Variants in SLC1A1 observed in about 807,000 individuals in gnomAD.
SLC1A1 encodes the protein excitatory amino acid transporter 3.
Under a neutral mutation model 53.3 loss-of-function variants are expected in SLC1A1, and 43 were observed. The observed-to-expected ratio is 0.81, with a 90% CI of 0.63 to 1.04. The LOEUF (loss-of-function observed/expected upper bound fraction) is 1.04, where lower values mean the gene tolerates loss of function less well. Among genes scored for constraint, SLC1A1 ranks in the 50% least tolerant of loss-of-function variants. The pLI, the probability that SLC1A1 is intolerant of heterozygous loss-of-function variation, is 0.00. For missense variants in SLC1A1, 748 were observed against 664.9 expected, an observed-to-expected ratio of 1.12 and a Z score of -1.37; for synonymous variants, 307 against 243.2, an observed-to-expected ratio of 1.26 and a Z score of -2.44.
At chr9:4,521,029 T>A (rs1347737295) in intron 1 of SLC1A1, among the ~76,000 whole-genome samples, 1 of 152,234 alleles carries the variant, frequency 6.6e-6, no homozygotes, top group Non-Finnish European at 1.5e-5. Flanking sequence ...ACTAATAATA[T>A]TCGACATCTT....
At chr9:4,573,250 T>C (rs1480415689) in intron 7 of SLC1A1, among the ~76,000 whole-genome samples, 1 of 152,198 alleles carries the variant, frequency 6.6e-6, no homozygotes, top group African/African-American at 2.4e-5. Flanking sequence ...TCAACATTAT[T>C]TAATCCAAAG....
At chr9:4,582,252 T>A (rs927523625) in intron 10 of SLC1A1, among the ~76,000 whole-genome samples, 1 of 152,220 alleles carries the variant, frequency 6.6e-6, no homozygotes, top group African/African-American at 2.4e-5. Context: ...CCAAGAGGGA[T>A]CTTTTTAAAT....
rs112476763 is a variant in SLC1A1 at position 4,503,889 on chromosome 9, T to C, written c.91+13119T>C. Among the ~76,000 whole-genome samples the C allele has an allele frequency of 6.2e-4, 92 of 148,334 alleles. 2 individuals are homozygous for C. The highest frequency in any genetic ancestry group is 2.3e-3 in the African/African-American group (89 of 37,904). On this transcript the variant is annotated intron_variant, in intron 1 of 11. Coordinates refer to ENST00000262352, the MANE Select transcript of SLC1A1 (RefSeq NM_004170.6). ...GTAAATCTTTGATGAACCAATCCCA[T>C]TGATCCCCTAGAAGCCCACTCAGTT...
intron 2 of SLC1A1, among the ~76,000 whole-genome samples, chr9:4,560,910 C>T (rs963362127): frequency 3.3e-5 from 5 of 152,046 alleles, no homozygotes; most frequent in Non-Finnish European, 7.4e-5. Flanking sequence ...GAAGGAGAAT[C>T]GCTTGAACCC....
At position 4,585,323 on chromosome 9, in the gene SLC1A1, G is replaced by C. The variant is rs755607684; in HGVS notation, c.1340G>C (p.Arg447Thr). The change falls in exon 12 of 12, where the codon AGG becomes ACG. Residue 447 changes from arginine to threonine, a missense_variant. Arg to Thr is a moderately conservative substitution (Grantham distance 71). Transcript: ENST00000262352. Reference sequence around the variant, plus strand: ...CCGTCTCTCCCCAGGGACCGGTTCAGGACCATGGTCAACGTCCTTGGTGAT... The same window carrying C: ...CCGTCTCTCCCCAGGGACCGGTTCACGACCATGGTCAACGTCCTTGGTGAT... Reference protein sequence around the residue: ...IAVDWLLDRFRTMVNVLGDAF... With the variant: ...IAVDWLLDRFTTMVNVLGDAF... The C allele has an allele frequency of 6.2e-7, 1 of 1,613,790 alleles. No homozygotes were observed. The highest frequency in any genetic ancestry group is 8.5e-7 in the Non-Finnish European group (1 of 1,179,912).
chr9:4,572,565 G>C (rs757176282), intron 7 of SLC1A1, among the ~76,000 whole-genome samples, 177 bp downstream of exon 7: 13 of 152,180 alleles, frequency 8.5e-5, no homozygotes, highest in Admixed American at 1.3e-4. Flanking sequence ...TTTTGTTTTA[G>C]AGGCAGAGTC....
At chr9:4,558,530 A>G (rs1401764480) in intron 2 of SLC1A1, among the ~76,000 whole-genome samples, 2 of 152,134 alleles carry the variant, frequency 1.3e-5, no homozygotes, top group Admixed American at 6.5e-5. Flanking sequence ...CTACTTGGGG[A>G]TGTATTTGTT....
At chr9:4,509,561 TA>T (rs111727018) in intron 1 of SLC1A1, among the ~76,000 whole-genome samples, 720 of 141,876 alleles carry the variant, frequency 5.1e-3, no homozygotes, top group Middle Eastern at 0.032. Flanking sequence ...CGGGAGAAAA[TA>T]AAAAAAAAAA....
chr9:4,570,701 C>T (rs1371830540), intron 6 of SLC1A1, among the ~76,000 whole-genome samples: 1 of 151,996 alleles, frequency 6.6e-6, no homozygotes, highest in African/African-American at 2.4e-5. Context: ...TAGTTGGCAC[C>T]ACTCAGTTAT....
At chr9:4,498,719 T>G (rs895762915) in intron 1 of SLC1A1, among the ~76,000 whole-genome samples, 6 of 147,132 alleles carry the variant, frequency 4.1e-5, no homozygotes, top group Admixed American at 1.4e-4. Context: ...ATGACAATAT[T>G]AGCAAAATAA....
intron 2 of SLC1A1, among the ~76,000 whole-genome samples, chr9:4,546,375 G>A (rs1437617080): frequency 6.6e-6 from 1 of 151,906 alleles, no homozygotes; most frequent in East Asian, 1.9e-4. Context: ...ATTGTCATAA[G>A]CATTTAAAAT....
chr9:4,572,998 A>G (rs936452246), intron 7 of SLC1A1, among the ~76,000 whole-genome samples: 1 of 152,250 alleles, frequency 6.6e-6, no homozygotes, highest in Non-Finnish European at 1.5e-5. Context: ...TCTTTAAAAA[A>G]TGATTTGAAG....
At chr9:4,571,148 G>T (rs1819997863) in intron 6 of SLC1A1, among the ~76,000 whole-genome samples, 2 of 152,088 alleles carry the variant, frequency 1.3e-5, no homozygotes. Flanking sequence ...ACCAAATACT[G>T]CCTGTTCTTT....
At chr9:4,546,650 A>G (rs569715140) in intron 2 of SLC1A1, among the ~76,000 whole-genome samples, 191 of 152,332 alleles carry the variant, frequency 1.3e-3, no homozygotes, top group Non-Finnish European at 2.3e-3. Context: ...AATCTTCTCC[A>G]TATCAAAGAT....
chr9:4,542,049 G>A (rs1303064116), intron 1 of SLC1A1, among the ~76,000 whole-genome samples: 1 of 152,092 alleles, frequency 6.6e-6, no homozygotes, highest in Non-Finnish European at 1.5e-5. Flanking sequence ...TAACTCCTAG[G>A]TGAGGTCATT....
At chr9:4,536,381 A>T (rs1482314236) in intron 1 of SLC1A1, among the ~76,000 whole-genome samples, 3 of 152,218 alleles carry the variant, frequency 2.0e-5, no homozygotes, top group Non-Finnish European at 1.5e-5. Context: ...AAGTGGGCGA[A>T]GGATATGAAC....
chr9:4,535,036 T>G (rs1303928440), intron 1 of SLC1A1, among the ~76,000 whole-genome samples: 1 of 152,104 alleles, frequency 6.6e-6, no homozygotes, highest in Non-Finnish European at 1.5e-5. Flanking sequence ...CTCAATAAAT[T>G]AGGTATTGAT....
At chr9:4,576,460 T>C in intron 9 of SLC1A1, 109 bp from the exon 10 acceptor site, 1 of 893,158 alleles carries the variant, frequency 1.1e-6, no homozygotes, top group South Asian at 1.4e-5. Flanking sequence ...CTCGACAAGA[T>C]TACCTAAAAG....
chr9:4,551,474 A>T (rs1250845134), intron 2 of SLC1A1, among the ~76,000 whole-genome samples: 2 of 152,232 alleles, frequency 1.3e-5, no homozygotes, highest in Non-Finnish European at 2.9e-5. Flanking sequence ...CCTCGTTAGC[A>T]AGAATTGCAA....
Sources: gnomAD v4.1 joint callset for allele counts (sites outside exome capture counted in the v4.1 genomes callset) on GRCh38, gnomAD v4.1.1 for gene constraint, MANE v1.5 for transcripts, NCBI Gene and HGNC (gene_info 2026-07-23, HGNC 2026-07-21) for gene names.